The following STXBP6 variants were observed in gnomAD, a reference collection of about 807,000 sequenced individuals.
The protein encoded by STXBP6 is syntaxin-binding protein 6.
A neutral mutation model predicts 26.9 loss-of-function variants in STXBP6; 21 were observed. The ratio of observed to expected loss-of-function variants is 0.78; its 90% CI spans 0.55 to 1.12. The LOEUF is 1.12. Ranked by LOEUF, STXBP6 falls within the 50% of genes most tolerant of loss-of-function variation. The pLI is 0.00. For synonymous variants in STXBP6, 97 were observed against 92.6 expected (o/e 1.05, Z -0.27); for missense variants, 232 against 257.9 (o/e 0.90, Z 0.69).
In STXBP6 at chr14:25,005,807, T is replaced by TAA. The variant is rs35612009; in HGVS notation, c.-32-30959_-32-30958dup. On this transcript the variant is annotated intron_variant, in intron 1 of 5. Coordinates refer to ENST00000323944, the MANE Select transcript of STXBP6 (RefSeq NM_001394410.1). ...AAATTTAAAATAGTAGGGAAAAAAC[T>TAA]AAAAAAAAAAAAGCTAAATAACTGA... is the stretch of plus-strand genomic sequence containing the variant. Among the ~76,000 whole-genome samples, 24 of 139,348 alleles carry TAA rather than the reference T, an allele frequency of 1.7e-4. 1 individual carries two copies. Among genetic ancestry groups the TAA allele is most frequent in the African/African-American group, 3.1e-4 (12 of 38,468 alleles). The allele number at this position is 139,348 out of a possible 152,430, so 91.4% of individuals were successfully genotyped here. A position where few individuals can be genotyped will look rare whatever the true frequency, so the allele number is the denominator to read the frequency against.
intron 5 of STXBP6, 105 bp downstream of exon 5, chr14:24,818,932 T>C (rs2068059771): frequency 7.0e-7 from 1 of 1,422,944 alleles, no homozygotes; most frequent in African/African-American, 1.4e-5. Context: ...GGGAAATAGC[T>C]TAATTTTATA....
chr14:24,825,866 A>G (rs1428189916), intron 4 of STXBP6, among the ~76,000 whole-genome samples: 1 of 152,202 alleles, frequency 6.6e-6, no homozygotes, highest in Non-Finnish European at 1.5e-5. Context: ...GATTTACTTA[A>G]CCTTGGTTCT....
At chr14:24,932,841 A>G (rs2072464965) in intron 2 of STXBP6, among the ~76,000 whole-genome samples, 1 of 151,974 alleles carries the variant, frequency 6.6e-6, no homozygotes. Flanking sequence ...TTTGAGGTAA[A>G]ATAACTAGGG....
intron 2 of STXBP6, among the ~76,000 whole-genome samples, chr14:24,942,951 T>C (rs2072855353): frequency 6.6e-6 from 1 of 152,160 alleles, no homozygotes; most frequent in Admixed American, 6.5e-5. Context: ...TTAGAATCAG[T>C]TAAGAAAAGT....
intron 5 of STXBP6, among the ~76,000 whole-genome samples, chr14:24,818,735 T>C (rs965910074): frequency 6.6e-6 from 1 of 152,086 alleles, no homozygotes; most frequent in Non-Finnish European, 1.5e-5. Context: ...CCCTGTTCTG[T>C]GCCTCGATAC....
At position 24,812,750 on chromosome 14, in the gene STXBP6, T is replaced by G. The variant is rs778091565; in HGVS notation, c.610-18A>C. 6.2e-7 allele frequency: 1 copy of G among 1,613,488 alleles called. No individual in the cohort carries two copies. Among genetic ancestry groups the G allele is most frequent in the South Asian group, 1.1e-5 (1 of 91,058 alleles). ...ATGGCAAGCTAAGGAGAGAGAGGAA[T>G]GAGAAAAGTAAGACTTTATTAGCAG... On this transcript the variant is annotated intron_variant, in intron 5 of 5. Transcript: ENST00000323944.
chr14:24,991,857 G>A (rs888541225), intron 1 of STXBP6, among the ~76,000 whole-genome samples: 10 of 152,098 alleles, frequency 6.6e-5, no homozygotes, highest in Admixed American at 5.2e-4. Context: ...AGCGGTAGAC[G>A]GCCCACCAAG....
At chr14:24,939,268 T>C (rs1431582637) in intron 2 of STXBP6, among the ~76,000 whole-genome samples, 1 of 152,148 alleles carries the variant, frequency 6.6e-6, no homozygotes, top group Admixed American at 6.5e-5. Context: ...GAGTACATAA[T>C]TGCGGATCTT....
At chr14:25,013,528 G>A (rs1385423863) in intron 1 of STXBP6, among the ~76,000 whole-genome samples, 1 of 150,850 alleles carries the variant, frequency 6.6e-6, no homozygotes, top group Non-Finnish European at 1.5e-5. Context: ...GTCTTCTCAT[G>A]GGAATACATA....
At chr14:24,932,321 C>T (rs59153576) in intron 2 of STXBP6, among the ~76,000 whole-genome samples, 16,769 of 152,092 alleles carry the variant, frequency 0.11, 1,076 homozygotes, top group East Asian at 0.25. Flanking sequence ...GCAGGAGAAT[C>T]GTTTGAACCT....
At chr14:25,030,521 C>T (rs764982326) in intron 1 of STXBP6, among the ~76,000 whole-genome samples, 23 of 152,150 alleles carry the variant, frequency 1.5e-4, no homozygotes, top group Non-Finnish European at 2.8e-4. Context: ...CTCAAGGGTT[C>T]TTCATCTTGA....
At chr14:24,997,997 T>C (rs1003899044) in intron 1 of STXBP6, among the ~76,000 whole-genome samples, 9 of 152,216 alleles carry the variant, frequency 5.9e-5, no homozygotes, top group African/African-American at 1.9e-4. Context: ...TTTTCAATGG[T>C]AAAAAATATA....
intron 2 of STXBP6, among the ~76,000 whole-genome samples, chr14:24,964,395 T>C (rs2073659950): frequency 6.6e-6 from 1 of 152,188 alleles, no homozygotes; most frequent in African/African-American, 2.4e-5. Flanking sequence ...ACTGTGCTTG[T>C]GGCTAATAGT....
chr14:24,913,815 T>A (rs1476047516), intron 2 of STXBP6, among the ~76,000 whole-genome samples: 1 of 152,096 alleles, frequency 6.6e-6, no homozygotes. Context: ...ACCAAGGAAG[T>A]GGAAATGGAA....
At chr14:24,975,961 G>T (rs2074033303) in intron 1 of STXBP6, among the ~76,000 whole-genome samples, 2 of 152,194 alleles carry the variant, frequency 1.3e-5, no homozygotes, top group African/African-American at 4.8e-5. Flanking sequence ...GGGCCCATGG[G>T]TTGGACATGC....
At chr14:24,858,160 T>A (rs2069406317) in intron 2 of STXBP6, among the ~76,000 whole-genome samples, 1 of 152,258 alleles carries the variant, frequency 6.6e-6, no homozygotes, top group Middle Eastern at 3.4e-3. Flanking sequence ...CGAATAACTA[T>A]GTAGATGCTC....
chr14:24,932,254 A>G, intron 2 of STXBP6, among the ~76,000 whole-genome samples: 1 of 152,194 alleles, frequency 6.6e-6, no homozygotes, highest in East Asian at 1.9e-4. Context: ...TAAAAATACA[A>G]AAACTAGCTG....
At chr14:24,838,606 C>T (rs1467889775) in intron 4 of STXBP6, among the ~76,000 whole-genome samples, 2 of 152,028 alleles carry the variant, frequency 1.3e-5, no homozygotes, top group African/African-American at 4.8e-5. Flanking sequence ...ATCGCTTGAA[C>T]TCGGGAGATG....
At chr14:24,950,078 T>C (rs906134467) in intron 2 of STXBP6, among the ~76,000 whole-genome samples, 1 of 152,198 alleles carries the variant, frequency 6.6e-6, no homozygotes, top group Non-Finnish European at 1.5e-5. Context: ...ATTTAGTCTA[T>C]CTAAAATCTT....
Sources: gnomAD v4.1 joint callset for allele counts (sites outside exome capture counted in the v4.1 genomes callset) on GRCh38, gnomAD v4.1.1 for gene constraint, MANE v1.5 for transcripts, NCBI Gene and HGNC (gene_info 2026-07-23, HGNC 2026-07-21) for gene names.